PCDHGA12: variants seen among roughly 807,000 people sequenced by gnomAD.
The protein encoded by PCDHGA12 is protocadherin gamma subfamily A, 12.
A neutral mutation model predicts 61.1 loss-of-function variants in PCDHGA12; 43 were observed. That is an observed-to-expected ratio of 0.70 (90% CI 0.55 to 0.91). PCDHGA12 has a LOEUF of 0.91. Among genes scored for constraint, PCDHGA12 ranks in the 40% least tolerant of loss-of-function variants. The pLI is 0.00. For synonymous variants in PCDHGA12, 520 were observed against 542.9 expected, an observed-to-expected ratio of 0.96 and a Z score of 0.59; for missense variants, 1,236 against 1,227.7, an observed-to-expected ratio of 1.01 and a Z score of -0.10.
At position 141,431,735 on chromosome 5, in the gene PCDHGA12, G is replaced by A. The variant is rs2097411908; in HGVS notation, c.976G>A (p.Gly326Arg). 1.2e-6 allele frequency: 2 copies of A among 1,614,118 alleles called. No homozygotes were observed. Among genetic ancestry groups the A allele is most frequent in the Non-Finnish European group, 1.7e-6 (2 of 1,180,056 alleles). The change falls in exon 1 of 4, where the codon GGA becomes AGA. Residue 326 changes from glycine (G) to arginine (R), a missense_variant. Gly to Arg is a moderately radical substitution (Grantham distance 125, BLOSUM62 -2). Transcript: ENST00000252085. The surrounding 1 kb of genome is among the most constrained non-coding windows in gnomAD (Gnocchi z 4.8). ...GGAAGTGCAAGCAATGGATAATGCAGGATATTCTGCGCGAGCCAAAGTCCT... is the reference window on the plus strand; with the variant it reads ...GGAAGTGCAAGCAATGGATAATGCAAGATATTCTGCGCGAGCCAAAGTCCT... ...QMEVQAMDNAGYSARAKVLIT... is the reference protein window; with the variant it reads ...QMEVQAMDNARYSARAKVLIT...
intron 1 of PCDHGA12, among the ~76,000 whole-genome samples, chr5:141,437,668 G>T (rs72790049): frequency 3.1e-4 from 47 of 151,868 alleles, no homozygotes; most frequent in Non-Finnish European, 6.0e-4. Context: ...TCGAAGAGAT[G>T]TTGATCAAAC....
At chr5:141,449,328 C>G (rs1340432771) in intron 1 of PCDHGA12, among the ~76,000 whole-genome samples, 1 of 151,866 alleles carries the variant, frequency 6.6e-6, no homozygotes, top group African/African-American at 2.4e-5. Flanking sequence ...ATCTGTAGGC[C>G]AGGTGCAGTG....
chr5:141,450,470 A>AGTTT (rs199699353), intron 1 of PCDHGA12, among the ~76,000 whole-genome samples: 2,037 of 151,800 alleles, frequency 0.013, 39 homozygotes, highest in African/African-American at 0.044. Flanking sequence ...TTATATATAG[A>AGTTT]GTTTGTTTGT....
At chr5:141,483,603 A>T (rs1277479077) in intron 1 of PCDHGA12, among the ~76,000 whole-genome samples, 1 of 152,054 alleles carries the variant, frequency 6.6e-6, no homozygotes, top group Non-Finnish European at 1.5e-5. Context: ...AGGCTGGTTT[A>T]CACCTCCATC....
Position 141,486,817 on chromosome 5 carries a change from T to A in PCDHGA12, c.2425-7990T>A, listed in dbSNP as rs143638501. On this transcript the variant is annotated intron_variant, in intron 1 of 3. Transcript: ENST00000252085. The surrounding 1 kb of genome is among the most constrained non-coding windows in gnomAD (Gnocchi z 5.0). ...GGGGCAACCCACCCCTTAGCAGCAC[T>A]GTAACAGTTCGTCTATTTGTGCTGG... 1 of 1,614,102 alleles carries A rather than the reference T, an allele frequency of 6.2e-7. No homozygotes were observed. Among genetic ancestry groups the A allele is most frequent in the East Asian group, 2.2e-5 (1 of 44,898 alleles).
chr5:141,473,763 G>A (rs1333191998), intron 1 of PCDHGA12, among the ~76,000 whole-genome samples: 1 of 152,204 alleles, frequency 6.6e-6, no homozygotes, highest in African/African-American at 2.4e-5. Context: ...ACTATGCAAA[G>A]GATTTGGTAT....
intron 1 of PCDHGA12, among the ~76,000 whole-genome samples, chr5:141,473,313 T>C (rs1173941642): frequency 2.7e-4 from 41 of 152,246 alleles, no homozygotes; most frequent in Non-Finnish European, 5.9e-5. Context: ...GCTATATTAA[T>C]AAGCATTAAG....
At chr5:141,497,079 C>T (rs564690352) in intron 2 of PCDHGA12, among the ~76,000 whole-genome samples, 2 of 151,982 alleles carry the variant, frequency 1.3e-5, no homozygotes, top group African/African-American at 4.8e-5. Flanking sequence ...ATCCCAGCGA[C>T]TTAGGAGGCT....
In PCDHGA12 at chr5:141,490,670, C is replaced by A. The variant is rs1003577285; in HGVS notation, c.2425-4137C>A. ...CCGGGCTCCCTTCTTTGCACTGTGG[C>A]TGCCTCAGATCCAGACACTGGGGAT... On this transcript the variant is annotated intron_variant, in intron 1 of 3. Coordinates refer to ENST00000252085, the MANE Select transcript of PCDHGA12 (RefSeq NM_003735.3). This position sits in a 1 kb window ranked among gnomAD's most constrained non-coding sequence, Gnocchi z 5.4. 4 of 1,614,194 alleles carry A rather than the reference C, an allele frequency of 2.5e-6. No homozygotes were observed. The highest frequency in any genetic ancestry group is 3.4e-6 in the Non-Finnish European group (4 of 1,179,986).
chr5:141,476,098 G>A lies in PCDHGA12; in HGVS notation c.2425-18709G>A, dbSNP rs1241353656. The A allele has an allele frequency of 4.5e-6, 7 of 1,573,026 alleles. No homozygotes were observed. Among genetic ancestry groups the A allele is most frequent in the Non-Finnish European group, 6.0e-6 (7 of 1,163,102 alleles). ...AGGGACGATCTGGACCCCGCTGAGA[G>A]GAACTGCTTTTGAGTGAGATGGTCC... On this transcript the variant is annotated intron_variant, in intron 1 of 3. Transcript: ENST00000252085. This position sits in a 1 kb window ranked among gnomAD's most constrained non-coding sequence, Gnocchi z 7.6.
intron 1 of PCDHGA12, among the ~76,000 whole-genome samples, chr5:141,488,554 T>C (rs1313975033): frequency 6.6e-6 from 1 of 152,064 alleles, no homozygotes; most frequent in African/African-American, 2.4e-5. Context: ...CAGCTGACAT[T>C]GAGATTTCCG....
rs1305419943 is a variant in PCDHGA12, at chr5:141,438,625, T to C, written c.2424+5442T>C. Among the ~76,000 whole-genome samples the C allele has an allele frequency of 9.7e-4, 45 of 46,410 alleles. 2 individuals are homozygous for C. Among genetic ancestry groups the C allele is most frequent in the Admixed American group, 2.2e-3 (7 of 3,192 alleles). The allele number at this position is 46,410 out of a possible 152,430, so 30.4% of individuals were successfully genotyped here. On this transcript the variant is annotated intron_variant, in intron 1 of 3. Coordinates refer to ENST00000252085, the MANE Select transcript of PCDHGA12 (RefSeq NM_003735.3). The stretch of plus-strand genomic sequence containing the variant: ...ATATATATATATATATATATATATA[T>C]ATATATATATACACACACACACACA...
At chr5:141,434,536 T>C (rs1037347477) in intron 1 of PCDHGA12, among the ~76,000 whole-genome samples, 7 of 152,186 alleles carry the variant, frequency 4.6e-5, no homozygotes, top group Non-Finnish European at 8.8e-5. Context: ...CCACAAACAA[T>C]AGCATGAGTG....
At chr5:141,464,443 T>G (rs903733972) in intron 1 of PCDHGA12, among the ~76,000 whole-genome samples, 1 of 151,634 alleles carries the variant, frequency 6.6e-6, no homozygotes, top group African/African-American at 2.4e-5. Context: ...ATGTTTGTTG[T>G]TGTTGTTGTT....
chr5:141,491,316 T>C lies in PCDHGA12; in HGVS notation c.2425-3491T>C. The C allele has an allele frequency of 3.1e-6, 5 of 1,614,176 alleles. No homozygotes were observed. The highest frequency in any genetic ancestry group is 3.4e-6 in the Non-Finnish European group (4 of 1,180,004). ...CTCCTGAGCGTTCAGACCTTACCCT[T>C]TACCTCATTGTGGCTCTAGCGACCG... is the stretch of plus-strand genomic sequence containing the variant. On this transcript the variant is annotated intron_variant, in intron 1 of 3. Coordinates refer to ENST00000252085, the MANE Select transcript of PCDHGA12 (RefSeq NM_003735.3). The surrounding 1 kb of genome is among the most constrained non-coding windows in gnomAD (Gnocchi z 6.9).
At position 141,489,786 on chromosome 5, in the gene PCDHGA12, G is replaced by A. The variant is rs758119518; in HGVS notation, c.2425-5021G>A. 8.7e-6 allele frequency: 14 copies of A among 1,614,194 alleles called. No individual in the cohort carries two copies. Among genetic ancestry groups the A allele is most frequent in the Non-Finnish European group, 1.2e-5 (14 of 1,180,014 alleles). ...CCAACAGCCACTTCTCTCTGAATGTGAAGACCCTAAAAGATGGGAAGCCAT... is the reference window on the plus strand; with the variant it reads ...CCAACAGCCACTTCTCTCTGAATGTAAAGACCCTAAAAGATGGGAAGCCAT... On this transcript the variant is annotated intron_variant, in intron 1 of 3. Transcript: ENST00000252085. This position sits in a 1 kb window ranked among gnomAD's most constrained non-coding sequence, Gnocchi z 4.5.
Position 141,431,336 on chromosome 5 carries a change from G to C in PCDHGA12, c.577G>C (p.Glu193Gln), listed in dbSNP as rs1187672228. ...QNGADGSKYP[E>Q]LVLKRALDRE... is the part of the protein sequence containing the mutation. ...TGGAGCCGACGGTAGTAAGTACCCC[G>C]AATTGGTGCTGAAACGCGCCCTGGA... The change falls in exon 1 of 4, where the codon GAA (glutamate) becomes CAA (glutamine). Residue 193 changes from glutamate to glutamine, a missense_variant. Transcript: ENST00000252085. The surrounding 1 kb of genome is among the most constrained non-coding windows in gnomAD (Gnocchi z 4.8). 2.5e-6 allele frequency: 4 copies of C among 1,613,956 alleles called. No individual in the cohort carries two copies. The East Asian group carries it at 6.7e-5, about 27-fold the overall frequency.
At chr5:141,447,647 T>C (rs1338920727) in intron 1 of PCDHGA12, among the ~76,000 whole-genome samples, 1 of 152,092 alleles carries the variant, frequency 6.6e-6, no homozygotes, top group African/African-American at 2.4e-5. Flanking sequence ...GATGGTAGAA[T>C]TTTCCCCCCC....
chr5:141,511,823 GC>G lies in PCDHGA12; in HGVS notation c.*653del, dbSNP rs2099883963. On this transcript the variant is annotated 3_prime_UTR_variant, in exon 4 of 4. Coordinates refer to ENST00000252085, the MANE Select transcript of PCDHGA12 (RefSeq NM_003735.3). The stretch of plus-strand genomic sequence containing the variant: ...TTTTGCTACCAAGCCTCTTCCCAAC[GC>G]CCTGGGGACCAGTCTTCTGTTTTGT... The G allele has an allele frequency of 6.4e-6, 1 of 156,728 alleles. No individual in the cohort carries two copies. The highest frequency in any genetic ancestry group is 1.9e-4 in the South Asian group (1 of 5,164). 9.7% of individuals were successfully genotyped at this position (156,728 alleles called of 1,614,324 possible).
Sources: gnomAD v4.1 joint callset for allele counts (sites outside exome capture counted in the v4.1 genomes callset) on GRCh38, gnomAD v4.1.1 for gene constraint, Gnocchi (gnomAD v3.1) non-coding constraint, MANE v1.5 for transcripts, NCBI Gene and HGNC (gene_info 2026-07-23, HGNC 2026-07-21) for gene names.